Variants in DDX31 observed in about 807,000 individuals in gnomAD.
DDX31 encodes the protein ATP-dependent DNA helicase DDX31.
In DDX31, 70 loss-of-function variants were observed where a neutral mutation model predicts 91.3. The observed-to-expected ratio is 0.77, with a 90% CI of 0.63 to 0.94. The LOEUF is 0.94. Among genes scored for constraint, DDX31 ranks in the 40% least tolerant of loss-of-function variants. The probability of loss-of-function intolerance (pLI) is 0.00; values close to 1 mark genes in which losing one functional copy is unlikely to be tolerated. For synonymous variants in DDX31, 362 were observed against 350.6 expected (o/e 1.03, Z -0.36); for missense variants, 902 against 925.0 (o/e 0.98, Z 0.32).
At chr9:132,662,795 C>T (rs1357075422) in intron 1 of DDX31, 100 bp from the exon 2 acceptor site, 4 of 1,470,340 alleles carry the variant, frequency 2.7e-6, no homozygotes, top group Non-Finnish European at 3.7e-6. Flanking sequence ...GCATCTCTCC[C>T]TGCAGAGATC....
In DDX31 at chr9:132,612,273, G is replaced by A. The variant is rs745575013; in HGVS notation, c.1826-18C>T. 1.8e-5 allele frequency: 29 copies of A among 1,613,784 alleles called. No individual in the cohort carries two copies. The Admixed American group carries it at 3.0e-4, about 17-fold the overall frequency. On this transcript the variant is annotated intron_variant, in intron 18 of 19. Transcript: ENST00000372159. ...CTGCAGAGCTGAAAGAAAAGAGAGC[G>A]GGGAGGGAAGCTGTCAGGACCGGGG...
chr9:132,632,848 T>C (rs543934144), intron 14 of DDX31, among the ~76,000 whole-genome samples: 2 of 152,218 alleles, frequency 1.3e-5, no homozygotes, highest in Non-Finnish European at 2.9e-5. Context: ...ATGTATCTTT[T>C]CAACTAGTCA....
chr9:132,625,495 G>C (rs1464921431), intron 17 of DDX31, among the ~76,000 whole-genome samples, 169 bp downstream of exon 17: 3 of 150,112 alleles, frequency 2.0e-5, no homozygotes, highest in Non-Finnish European at 3.0e-5. Context: ...CAGAAGCAAA[G>C]ACGAGGAAAA....
intron 14 of DDX31, among the ~76,000 whole-genome samples, chr9:132,640,389 T>C (rs1186171817): frequency 6.6e-6 from 1 of 152,190 alleles, no homozygotes; most frequent in Non-Finnish European, 1.5e-5. Context: ...GGGGGCTGTT[T>C]TGCTGAAGGG....
At position 132,632,241 on chromosome 9, in the gene DDX31, TACACACACAC is replaced by T. The variant is rs57020423; in HGVS notation, c.1441-160_1441-151del. 45 of 94,148 alleles carry T rather than the reference TACACACACAC, an allele frequency of 4.8e-4. 1 individual carries two copies. Among genetic ancestry groups the T allele is most frequent in the African/African-American group, 1.7e-3 (25 of 15,032 alleles). 5.8% of individuals were successfully genotyped at this position (94,148 alleles called of 1,614,324 possible). ...CATACACGTATATGCCCAGTACGTG[TACACACACAC>T]ACACACACACACACACACACACACA... On this transcript the variant is annotated intron_variant, in intron 14 of 19. Transcript: ENST00000372159.
In DDX31 at chr9:132,648,429, C is replaced by T; in HGVS notation, c.860+3G>A. 6.2e-7 allele frequency: 1 copy of T among 1,613,008 alleles called. No homozygotes were observed. Among genetic ancestry groups the T allele is most frequent in the African/African-American group, 1.3e-5 (1 of 74,944 alleles). The stretch of plus-strand genomic sequence containing the variant: ...CCTGTTATCATCCTGGGACGAGGCT[C>T]ACCTGTCTGCTTCATCAAACACCAA... On this transcript the variant is annotated splice_donor_region_variant and intron_variant, in intron 10 of 19. Coordinates refer to ENST00000372159, the MANE Select transcript of DDX31 (RefSeq NM_022779.9).
chr9:132,629,390 T>C (rs1185006650), intron 16 of DDX31, among the ~76,000 whole-genome samples: 1 of 152,184 alleles, frequency 6.6e-6, no homozygotes, highest in East Asian at 1.9e-4. Flanking sequence ...GTGTTCACAC[T>C]AACAACCTTG....
chr9:132,648,202 C>T lies in DDX31; in HGVS notation c.954G>A (p.Ala318=), dbSNP rs979025229. 4 of 1,613,174 alleles carry T rather than the reference C, an allele frequency of 2.5e-6. No individual in the cohort carries two copies. Among genetic ancestry groups the T allele is most frequent in the Middle Eastern group, 1.7e-4 (1 of 5,946 alleles). The part of the protein sequence containing the change: ...CQKRQNVLLS[A]TLTEGVTRLA... ...TTTTCAACTCACCTTCTGTGAGTGT[C>T]GCTGATAGCAAGACATTCTGTCGTT... The change falls in exon 11 of 20, where the codon GCG becomes GCA. Residue 318 remains alanine, a synonymous_variant. Coordinates refer to ENST00000372159, the MANE Select transcript of DDX31 (RefSeq NM_022779.9).
Position 132,665,509 on chromosome 9 carries a change from G to A in DDX31, c.76-2814C>T, listed in dbSNP as rs559308678. ...CTAACATGGCCTCCTTCTGGCAAAGGAGAGGGAGGCAAGAAAACCAAGAAT... is the reference window on the plus strand; with the variant it reads ...CTAACATGGCCTCCTTCTGGCAAAGAAGAGGGAGGCAAGAAAACCAAGAAT... On this transcript the variant is annotated intron_variant, in intron 1 of 19. Coordinates refer to ENST00000372159, the MANE Select transcript of DDX31 (RefSeq NM_022779.9). 1.3e-3 allele frequency among the ~76,000 whole-genome samples: 199 copies of A among 152,312 alleles called. 1 individual carries two copies. Among genetic ancestry groups the A allele is most frequent in the African/African-American group, 4.6e-3 (190 of 41,566 alleles).
Position 132,652,482 on chromosome 9 carries a change from C to G in DDX31, c.599G>C (p.Gly200Ala). The change falls in exon 7 of 20, where the codon GGC becomes GCC. Residue 200 changes from glycine to alanine, a missense_variant. Gly to Ala is a moderately conservative substitution (Grantham distance 60). Coordinates refer to ENST00000372159, the MANE Select transcript of DDX31 (RefSeq NM_022779.9). ...AMESKIQRSD[G>A]PYALVLVPTR... ...TGGCACGAGCACCAGGGCATAGGGG[C>G]CATCACTGCGCTGTTGACACACAGA... The G allele has an allele frequency of 6.2e-7, 1 of 1,614,088 alleles. No homozygotes were observed. The highest frequency in any genetic ancestry group is 8.5e-7 in the Non-Finnish European group (1 of 1,180,010).
chr9:132,606,371 TC>T (rs1390101581), intron 19 of DDX31, among the ~76,000 whole-genome samples: 29 of 152,310 alleles, frequency 1.9e-4, no homozygotes, highest in Admixed American at 8.5e-4. Context: ...AGCTGCAGCT[TC>T]TTAATGCTCG....
intron 19 of DDX31, among the ~76,000 whole-genome samples, chr9:132,604,657 A>G (rs1471745106): frequency 6.6e-6 from 1 of 152,138 alleles, no homozygotes; most frequent in Non-Finnish European, 1.5e-5. Context: ...TTACTGAAAC[A>G]CGGTCTCCTG....
At position 132,646,898 on chromosome 9, in the gene DDX31, G is replaced by T; in HGVS notation, c.1128C>A (p.Leu376=). Residue 376 remains leucine, a synonymous_variant, in exon 12 of 20, where the codon CTC becomes CTA. Coordinates refer to ENST00000372159, the MANE Select transcript of DDX31 (RefSeq NM_022779.9). ...TGGGAACCACAGTCACATGCTGCTT[G>T]AGACTCTCTGGTATTGCAAAGCTGT... ...KLDSFAIPES[L]KQHVTVVPSK... 6.2e-7 allele frequency: 1 copy of T among 1,614,186 alleles called. No homozygotes were observed. The highest frequency in any genetic ancestry group is 8.5e-7 in the Non-Finnish European group (1 of 1,180,032).
intron 6 of DDX31, among the ~76,000 whole-genome samples, chr9:132,655,237 CA>C (rs1443844534): frequency 7.9e-5 from 12 of 151,212 alleles, no homozygotes; most frequent in African/African-American, 2.9e-4. Flanking sequence ...TTCCACCAAC[CA>C]ATAAGAGAAT....
chr9:132,663,614 C>G, intron 1 of DDX31: 1 of 782,680 alleles, frequency 1.3e-6, no homozygotes, highest in Non-Finnish European at 1.5e-6. Context: ...GCTTGTTATT[C>G]TGGAGTTTTG....
intron 6 of DDX31, chr9:132,658,346 A>G (rs1034826710): frequency 1.4e-6 from 1 of 703,358 alleles, no homozygotes; most frequent in South Asian, 1.5e-5. Context: ...TAAAATGTGG[A>G]TAACAGTAAT....
rs189144046 is a variant in DDX31 at position 132,598,329 on chromosome 9, C to T, written c.1995-3217G>A. 2.6e-5 allele frequency among the ~76,000 whole-genome samples: 4 copies of T among 152,352 alleles called. No individual in the cohort carries two copies. In the East Asian group the frequency reaches 7.7e-4, roughly 29 times the overall value. ...TGCCAAGCTGCAGTGCTCCCAGGAA[C>T]CTGCCAACTTTCTCGCCCTCCTTGC... On this transcript the variant is annotated intron_variant, in intron 19 of 19. Transcript: ENST00000372159.
chr9:132,658,272 G>C (rs1188507190), intron 6 of DDX31: 1 of 703,086 alleles, frequency 1.4e-6, no homozygotes, highest in Non-Finnish European at 2.6e-6. Context: ...TAGAAATCCA[G>C]TTCCTCCATT....
At chr9:132,659,938 T>C (rs1285749525) in intron 4 of DDX31, among the ~76,000 whole-genome samples, 158 bp from the exon 5 acceptor site, 1 of 152,222 alleles carries the variant, frequency 6.6e-6, no homozygotes, top group Non-Finnish European at 1.5e-5. Context: ...GAAGAAACTT[T>C]TGATGATTAT....
Sources: gnomAD v4.1 joint callset for allele counts (sites outside exome capture counted in the v4.1 genomes callset) on GRCh38, gnomAD v4.1.1 for gene constraint, MANE v1.5 for transcripts, NCBI Gene and HGNC (gene_info 2026-07-23, HGNC 2026-07-21) for gene names.